TMEM225: variants seen among roughly 807,000 people sequenced by gnomAD.
The protein encoded by TMEM225 is transmembrane protein 225, also known as PMP22 claudin domain-containing protein.
Under a neutral mutation model 17.6 loss-of-function variants are expected in TMEM225, and 10 were observed. The observed-to-expected ratio is 0.57, with a 90% confidence interval of 0.35 to 0.96. The LOEUF (loss-of-function observed/expected upper bound fraction) is 0.96, where lower values mean the gene tolerates loss of function less well. Among genes scored for constraint, TMEM225 ranks in the 40% least tolerant of loss-of-function variants. TMEM225 has a pLI of 0.02. For synonymous variants in TMEM225, 101 were observed against 94.5 expected, an observed-to-expected ratio of 1.07 and a Z score of -0.40; for missense variants, 245 against 271.5, an observed-to-expected ratio of 0.90 and a Z score of 0.69.
Position 123,885,306 on chromosome 11 carries a change from A to G in TMEM225, c.120T>C (p.Asp40=). 1.9e-6 allele frequency: 3 copies of G among 1,613,674 alleles called. No individual in the cohort carries two copies. Among genetic ancestry groups the G allele is most frequent in the Non-Finnish European group, 2.5e-6 (3 of 1,179,700 alleles). The part of the protein sequence containing the change: ...LDKWVELISE[D]ERAKMNHSPW... Reference sequence around the variant, plus strand: ...GACTGTGGTTCATCTTGGCTCTTTCATCTTCTGAAATCAATTCAACCCATT... The same window carrying G: ...GACTGTGGTTCATCTTGGCTCTTTCGTCTTCTGAAATCAATTCAACCCATT... The change falls in exon 1 of 4, where the codon GAT becomes GAC. Residue 40 remains aspartate, a synonymous_variant. Coordinates refer to ENST00000375026, the MANE Select transcript of TMEM225 (RefSeq NM_001013743.3).
intron 3 of TMEM225, among the ~76,000 whole-genome samples, 193 bp downstream of exon 3, chr11:123,883,882 A>C (rs945498794): frequency 2.6e-5 from 4 of 152,124 alleles, no homozygotes; most frequent in African/African-American, 9.7e-5. Flanking sequence ...GGCCAGGCAC[A>C]GCAGACATCT....
In TMEM225 at chr11:123,884,220, GACAA is replaced by G; in HGVS notation, c.329-15_329-12del. 3.1e-6 allele frequency: 2 copies of G among 651,686 alleles called. No homozygotes were observed. Among genetic ancestry groups the G allele is most frequent in the Non-Finnish European group, 3.9e-6 (2 of 513,284 alleles). 40.4% of individuals were successfully genotyped at this position (651,686 alleles called of 1,614,324 possible). ...AGAGCAGAGAGATACCTGATGTCCA[GACAA>G]AAAAAAAAAAAAAAAAAGAAAAAGA... On this transcript the variant is annotated splice_polypyrimidine_tract_variant and intron_variant, in intron 2 of 3. Transcript: ENST00000375026.
Position 123,885,520 on chromosome 11 carries a change from C to G in TMEM225, c.-95G>C. On this transcript the variant is annotated 5_prime_UTR_variant, in exon 1 of 4. Transcript: ENST00000375026. ...ACAAGAAGGGTGATATCTGAACTTT[C>G]AGTGGTTGCTGAGGCATTGGTAACA... is the stretch of plus-strand genomic sequence containing the variant. The G allele has an allele frequency of 8.1e-7, 1 of 1,232,682 alleles. No homozygotes were observed. The highest frequency in any genetic ancestry group is 1.1e-6 in the Non-Finnish European group (1 of 877,768). The allele number at this position is 1,232,682 out of a possible 1,614,324, so 76.4% of individuals were successfully genotyped here.
chr11:123,883,158 G>T lies in TMEM225; in HGVS notation c.658C>A (p.His220Asn), dbSNP rs376810584. Residue 220 changes from histidine (H) to asparagine (N), a missense_variant, in exon 4 of 4, where the codon CAC becomes AAC. His to Asn is a moderately conservative substitution (Grantham distance 68). Coordinates refer to ENST00000375026, the MANE Select transcript of TMEM225 (RefSeq NM_001013743.3). ...CCAAATCACAGAGCCCAGGTTACGT[G>T]ACGTGTTTGGACTTTTTTGTTTAGG... ...NSLNKKVQTR[H>N]VTWAL 1.2e-6 allele frequency: 2 copies of T among 1,613,278 alleles called. No individual in the cohort carries two copies. The highest frequency in any genetic ancestry group is 1.7e-6 in the Non-Finnish European group (2 of 1,179,512).
At position 123,883,303 on chromosome 11, in the gene TMEM225, G is replaced by A. The variant is rs373800674; in HGVS notation, c.513C>T (p.Cys171=). ...CGTTGTCAGATTTATGGATGTTCAG[G>A]CAGGTACAGCTACTGGTAGACAACT... is the stretch of plus-strand genomic sequence containing the variant. ...ECKLSTSSCT[C]LNIHKSDNEC... is the part of the protein sequence containing the mutation. Residue 171 remains cysteine (C), a synonymous_variant, in exon 4 of 4, where the codon TGC becomes TGT. Transcript: ENST00000375026. 1.9e-5 allele frequency: 30 copies of A among 1,613,158 alleles called. No individual in the cohort carries two copies. The highest frequency in any genetic ancestry group is 2.4e-5 in the Non-Finnish European group (28 of 1,179,542).
In TMEM225 at chr11:123,885,287, GGT is replaced by G; in HGVS notation, c.137_138del (p.Asn46ThrfsTer16). Reference protein sequence around the residue: ...LISEDERAKMNHSPWMMCCPA... With the variant: ...LISEDERAKMXHSPWMMCCPA... ...GGGCAACACATCATCCAAGGACTGT[GGT>G]TCATCTTGGCTCTTTCATCTTCTGA... On this transcript the variant is annotated frameshift_variant, in exon 1 of 4. Transcript: ENST00000375026. LOFTEE classifies it high-confidence loss of function. The G allele has an allele frequency of 1.2e-6, 2 of 1,613,590 alleles. No homozygotes were observed. Among genetic ancestry groups the G allele is most frequent in the Non-Finnish European group, 1.7e-6 (2 of 1,179,672 alleles).
Position 123,885,519 on chromosome 11 carries a change from T to C in TMEM225, c.-94A>G. On this transcript the variant is annotated 5_prime_UTR_variant, in exon 1 of 4. Coordinates refer to ENST00000375026, the MANE Select transcript of TMEM225 (RefSeq NM_001013743.3). Reference sequence around the variant, plus strand: ...TACAAGAAGGGTGATATCTGAACTTTCAGTGGTTGCTGAGGCATTGGTAAC... The same window carrying C: ...TACAAGAAGGGTGATATCTGAACTTCCAGTGGTTGCTGAGGCATTGGTAAC... The C allele has an allele frequency of 1.6e-6, 2 of 1,241,986 alleles. No individual in the cohort carries two copies. Among genetic ancestry groups the C allele is most frequent in the Non-Finnish European group, 2.3e-6 (2 of 885,784 alleles). The allele number at this position is 1,241,986 out of a possible 1,614,324, so 76.9% of individuals were successfully genotyped here. A position where few individuals can be genotyped will look rare whatever the true frequency, so the allele number is the denominator to read the frequency against.
Position 123,885,315 on chromosome 11 carries a change from A to C in TMEM225, c.111T>G (p.Ile37Met). 1 of 1,613,660 alleles carries C rather than the reference A, an allele frequency of 6.2e-7. No individual in the cohort carries two copies. The highest frequency in any genetic ancestry group is 8.5e-7 in the Non-Finnish European group (1 of 1,179,724). The change falls in exon 1 of 4, where the codon ATT becomes ATG. Residue 37 changes from isoleucine (I) to methionine (M), a missense_variant. Physicochemically the swap from Ile to Met is conservative, Grantham distance 10. Transcript: ENST00000375026. The part of the protein sequence containing the change: ...GITLDKWVEL[I>M]SEDERAKMNH... ...TCATCTTGGCTCTTTCATCTTCTGA[A>C]ATCAATTCAACCCATTTATCTAAGG...
Position 123,884,536 on chromosome 11 carries a change from T to G in TMEM225, c.282A>C (p.Gln94His). Residue 94 changes from glutamine (Q) to histidine (H), a missense_variant, in exon 2 of 4, where the codon CAA (glutamine) becomes CAC (histidine). Coordinates refer to ENST00000375026, the MANE Select transcript of TMEM225 (RefSeq NM_001013743.3). ...TAGTGAAGAGTTGTATATATTTATT[T>G]TGAGGAATCAGATAGGTGAATTTCA... ...LGMKFTYLIP[Q>H]NKYIQLFTTI... The G allele has an allele frequency of 6.2e-7, 1 of 1,613,216 alleles. No homozygotes were observed. The highest frequency in any genetic ancestry group is 8.5e-7 in the Non-Finnish European group (1 of 1,179,546).
chr11:123,885,016 A>G (rs557069546), intron 1 of TMEM225, among the ~76,000 whole-genome samples: 2 of 152,298 alleles, frequency 1.3e-5, no homozygotes, highest in East Asian at 1.9e-4. Flanking sequence ...TCAAATGCCC[A>G]GCAGTTAAGG....
rs776685143 is a variant in TMEM225, at chr11:123,885,205, C to T, written c.181+40G>A. The stretch of plus-strand genomic sequence containing the variant: ...AGGAAAGCCAAGTTAAGGACACACC[C>T]TTCCTTTCCACCCGTCTCTTTCTAG... On this transcript the variant is annotated intron_variant, in intron 1 of 3. Coordinates refer to ENST00000375026, the MANE Select transcript of TMEM225 (RefSeq NM_001013743.3). The T allele has an allele frequency of 1.2e-5, 19 of 1,583,790 alleles. No homozygotes were observed. The South Asian group carries it at 1.5e-4, about 12-fold the overall frequency.
At chr11:123,884,436 A>G (rs1863011181) in intron 2 of TMEM225, 54 bp downstream of exon 2, 3 of 1,527,630 alleles carry the variant, frequency 2.0e-6, no homozygotes, top group Non-Finnish European at 2.7e-6. Flanking sequence ...TGCAGCCTGA[A>G]CCCACCCATC....
intron 3 of TMEM225, 78 bp downstream of exon 3, chr11:123,883,997 A>G: frequency 1.4e-6 from 2 of 1,463,160 alleles, no homozygotes; most frequent in South Asian, 1.5e-5. Context: ...TTTTCCCTCT[A>G]TTCTCATCTT....
rs778660921 is a variant in TMEM225 at position 123,884,134 on chromosome 11, T to C, written c.404A>G (p.Tyr135Cys). ...AGTATACATGATCCAGGTGATCCTA[T>C]AACTAGAGAAGTGCATGGATTGACC... ...KQGQSMHFSS[Y>C]RITWIMYTAY... The change falls in exon 3 of 4, where the codon TAT becomes TGT. Residue 135 changes from tyrosine (Y) to cysteine (C), a missense_variant. Tyr to Cys is a radical substitution (Grantham distance 194, BLOSUM62 -2). Transcript: ENST00000375026. 6.2e-7 allele frequency: 1 copy of C among 1,604,268 alleles called. No individual in the cohort carries two copies. The highest frequency in any genetic ancestry group is 1.1e-5 in the South Asian group (1 of 90,832).
In TMEM225 at chr11:123,883,252, G is replaced by T; in HGVS notation, c.564C>A (p.Ile188=). Residue 188 remains isoleucine (I), a synonymous_variant, in exon 4 of 4, where the codon ATC becomes ATA. Transcript: ENST00000375026. ...TGCATTCTGGTAATGAAATATCTTC[G>T]ATAGAATTCTCAGATTCCTTACATT... ...DNECKESENS[I]EDISLPECTA... is the part of the protein sequence containing the mutation. The T allele has an allele frequency of 1.2e-6, 2 of 1,613,154 alleles. No individual in the cohort carries two copies. The highest frequency in any genetic ancestry group is 2.2e-5 in the East Asian group (1 of 44,824).
In TMEM225 at chr11:123,883,448, A is replaced by G. The variant is rs958480816; in HGVS notation, c.464-96T>C. On this transcript the variant is annotated intron_variant, in intron 3 of 3. Coordinates refer to ENST00000375026, the MANE Select transcript of TMEM225 (RefSeq NM_001013743.3). ...GGCTGAAGACCCTGACCCAAAGCCC[A>G]GTGGATCCCTTTTAACTACCGAAAG... 8 of 873,894 alleles carry G rather than the reference A, an allele frequency of 9.2e-6. No homozygotes were observed. The South Asian group carries it at 1.1e-4, about 12-fold the overall frequency. The allele number at this position is 873,894 out of a possible 1,614,324, so 54.1% of individuals were successfully genotyped here.
chr11:123,883,255 A>T lies in TMEM225; in HGVS notation c.561T>A (p.Ser187=). The part of the protein sequence containing the change: ...SDNECKESEN[S]IEDISLPECT... Reference sequence around the variant, plus strand: ...ATTCTGGTAATGAAATATCTTCGATAGAATTCTCAGATTCCTTACATTCGT... The same window carrying T: ...ATTCTGGTAATGAAATATCTTCGATTGAATTCTCAGATTCCTTACATTCGT... The change falls in exon 4 of 4, where the codon TCT becomes TCA. Residue 187 remains serine, a synonymous_variant. Transcript: ENST00000375026. 1 of 1,613,364 alleles carries T rather than the reference A, an allele frequency of 6.2e-7. No individual in the cohort carries two copies. Among genetic ancestry groups the T allele is most frequent in the Non-Finnish European group, 8.5e-7 (1 of 1,179,474 alleles).
In TMEM225 at chr11:123,884,067, ACACT is replaced by A. The variant is rs776375447; in HGVS notation, c.463+4_463+7del. On this transcript the variant is annotated splice_donor_5th_base_variant and intron_variant, in intron 3 of 3. Transcript: ENST00000375026. Reference sequence around the variant, plus strand: ...TTAACACCCTTCAGGGGCCCTGGAGACACTCACCACAGACAGACAAGAAGAAAAC... The same window carrying A: ...TTAACACCCTTCAGGGGCCCTGGAGACACCACAGACAGACAAGAAGAAAAC... The A allele has an allele frequency of 1.9e-6, 3 of 1,603,852 alleles. No homozygotes were observed. In the African/African-American group the frequency reaches 4.0e-5, roughly 22 times the overall value.
At chr11:123,884,283 A>G in intron 2 of TMEM225, 74 bp from the exon 3 acceptor site, 1 of 1,491,386 alleles carries the variant, frequency 6.7e-7, no homozygotes, top group Non-Finnish European at 8.9e-7. Flanking sequence ...TGGCTCCTTG[A>G]TGCAAGTCTT....
Sources: gnomAD v4.1 joint callset for allele counts (sites outside exome capture counted in the v4.1 genomes callset) on GRCh38, gnomAD v4.1.1 for gene constraint, MANE v1.5 for transcripts, NCBI Gene and HGNC (gene_info 2026-07-23, HGNC 2026-07-21) for gene names.